Variants in COP1 observed in about 807,000 individuals in gnomAD.
COP1 encodes the protein E3 ubiquitin-protein ligase COP1.
COP1 carries 24 observed loss-of-function variants against 101.3 expected under a neutral mutation model. The ratio of observed to expected loss-of-function variants is 0.24; its 90% CI spans 0.17 to 0.33. The LOEUF (loss-of-function observed/expected upper bound fraction) is 0.33. Ranked by LOEUF, COP1 falls within the 10% of genes least tolerant of loss-of-function variation. The pLI is 1.00. For synonymous variants in COP1, 347 were observed against 341.9 expected (o/e 1.01, Z -0.17); for missense variants, 663 against 906.2 (o/e 0.73, Z 3.45).
At position 176,207,119 on chromosome 1, in the gene COP1, G is replaced by A; in HGVS notation, c.-141C>T. ...GGTGGGGCTGAGGAACAATAAAGTTGCGTTTTTTTTTAAGGCAGCCACACA... is the reference window on the plus strand; with the variant it reads ...GGTGGGGCTGAGGAACAATAAAGTTACGTTTTTTTTTAAGGCAGCCACACA... On this transcript the variant is annotated 5_prime_UTR_variant, in exon 1 of 20. Transcript: ENST00000367669. 2 of 633,314 alleles carry A rather than the reference G, an allele frequency of 3.2e-6. No individual in the cohort carries two copies. Among genetic ancestry groups the A allele is most frequent in the Non-Finnish European group, 4.7e-6 (2 of 423,144 alleles). 39.2% of individuals were successfully genotyped at this position (633,314 alleles called of 1,614,324 possible). A position where few individuals can be genotyped will look rare whatever the true frequency, so the allele number is the denominator to read the frequency against.
chr1:176,024,255 G>C (rs1294793136), intron 15 of COP1, among the ~76,000 whole-genome samples: 1 of 152,122 alleles, frequency 6.6e-6, no homozygotes, highest in Non-Finnish European at 1.5e-5. Context: ...GAGTGAGACT[G>C]TCTCTAAATA....
chr1:176,193,145 AAATG>A (rs1376215655), intron 1 of COP1, among the ~76,000 whole-genome samples: 1 of 152,182 alleles, frequency 6.6e-6, no homozygotes, highest in African/African-American at 2.4e-5. Flanking sequence ...AAAGAGTAAT[AAATG>A]AATGGCCAAC....
rs768019225 is a variant in COP1 at position 176,059,655 on chromosome 1, G to T, written c.1278-13331C>A. ...ACACCACCACACCTGGCTTATTTTT[G>T]TATTTTTAGTAGAGACGGGGTTTCA... On this transcript the variant is annotated intron_variant, in intron 11 of 19. Transcript: ENST00000367669. Among the ~76,000 whole-genome samples the T allele has an allele frequency of 3.3e-5, 5 of 151,908 alleles. No individual in the cohort carries two copies. The East Asian group carries it at 7.7e-4, about 23-fold the overall frequency.
chr1:176,144,767 G>T lies in COP1; in HGVS notation c.831+4239C>A, dbSNP rs371893811. Among the ~76,000 whole-genome samples, 85 of 152,228 alleles carry T rather than the reference G, an allele frequency of 5.6e-4. No individual in the cohort carries two copies. In the South Asian group the frequency reaches 0.017, roughly 31 times the overall value. Reference sequence around the variant, plus strand: ...TATATGACAAAGGTGAAACTTCAGAGTGATGAAGAAAGAATGGACTTTTTA... The same window carrying T: ...TATATGACAAAGGTGAAACTTCAGATTGATGAAGAAAGAATGGACTTTTTA... On this transcript the variant is annotated intron_variant, in intron 6 of 19. Coordinates refer to ENST00000367669, the MANE Select transcript of COP1 (RefSeq NM_022457.7).
intron 6 of COP1, among the ~76,000 whole-genome samples, chr1:176,144,479 T>G (rs1005791310): frequency 6.6e-6 from 1 of 152,148 alleles, no homozygotes; most frequent in African/African-American, 2.4e-5. Context: ...ATTAGAAGAC[T>G]GAATACTGTA....
Position 176,163,881 on chromosome 1 carries a change from G to T in COP1, c.576C>A (p.Leu192=). The T allele has an allele frequency of 6.2e-7, 1 of 1,602,980 alleles. No individual in the cohort carries two copies. Among genetic ancestry groups the T allele is most frequent in the South Asian group, 1.1e-5 (1 of 89,698 alleles). The change falls in exon 4 of 20, where the codon CTC becomes CTA. Residue 192 remains leucine (L), a synonymous_variant. Transcript: ENST00000367669. The part of the protein sequence containing the change: ...HLYPNFLVNE[L]ILKQKQRFEE... ...CAAATCTTTGCTTCTGTTTAAGAAT[G>T]AGTTCATTCACTGAAAACAGAAACA...
At chr1:175,991,431 T>C (rs911159772) in intron 15 of COP1, among the ~76,000 whole-genome samples, 2 of 152,140 alleles carry the variant, frequency 1.3e-5, no homozygotes, top group African/African-American at 4.8e-5. Flanking sequence ...TGAATGGAGT[T>C]TGCAGGACTG....
intron 2 of COP1, among the ~76,000 whole-genome samples, chr1:176,182,822 G>A (rs958580457): frequency 6.6e-6 from 1 of 152,122 alleles, no homozygotes. Context: ...AAAGTGATTC[G>A]TGAATCATAA....
chr1:176,012,057 T>C (rs61822766), intron 15 of COP1, among the ~76,000 whole-genome samples: 10,033 of 152,088 alleles, frequency 0.066, 410 homozygotes, highest in Middle Eastern at 0.12. Flanking sequence ...CAGTGGTGTG[T>C]GCTTGTATCC....
chr1:176,066,336 T>C (rs1675959969), intron 11 of COP1, among the ~76,000 whole-genome samples: 1 of 152,196 alleles, frequency 6.6e-6, no homozygotes, highest in Non-Finnish European at 1.5e-5. Flanking sequence ...CCTTTTCTCC[T>C]GTCAATTTGT....
Position 175,980,765 on chromosome 1 carries a change from T to C in COP1, c.2133+6178A>G, listed in dbSNP as rs561591535. ...AGGAGTAATAAGTGTCCTTTACAAG[T>C]ACTGCCTTTTACTATTAGCTATCCA... is the stretch of plus-strand genomic sequence containing the variant. On this transcript the variant is annotated intron_variant, in intron 18 of 19. Coordinates refer to ENST00000367669, the MANE Select transcript of COP1 (RefSeq NM_022457.7). Among the ~76,000 whole-genome samples, 366 of 152,198 alleles carry C rather than the reference T, an allele frequency of 2.4e-3. 2 individuals are homozygous for C. Among genetic ancestry groups the C allele is most frequent in the African/African-American group, 8.3e-3 (345 of 41,556 alleles).
At chr1:176,058,117 G>A (rs1481977401) in intron 11 of COP1, among the ~76,000 whole-genome samples, 4 of 122,190 alleles carry the variant, frequency 3.3e-5, no homozygotes, top group East Asian at 2.9e-4. Flanking sequence ...CAGCCACCCC[G>A]TCGGGAGGGA....
chr1:176,193,929 C>T (rs945181327), intron 1 of COP1, among the ~76,000 whole-genome samples: 3 of 152,166 alleles, frequency 2.0e-5, no homozygotes, highest in African/African-American at 7.2e-5. Flanking sequence ...CGGCGTATTT[C>T]AGGGTTGTGA....
chr1:176,200,679 A>G (rs942198001), intron 1 of COP1, among the ~76,000 whole-genome samples: 6 of 152,228 alleles, frequency 3.9e-5, no homozygotes, highest in African/African-American at 1.4e-4. Context: ...AAGGACAACT[A>G]ACATATTTTA....
chr1:175,951,052 C>A (rs991505780), intron 18 of COP1, among the ~76,000 whole-genome samples: 8 of 152,112 alleles, frequency 5.3e-5, no homozygotes, highest in Admixed American at 5.2e-4. Context: ...TTGAGACCAG[C>A]CTGACCAACA....
At position 176,063,585 on chromosome 1, in the gene COP1, T is replaced by C. The variant is rs190192990; in HGVS notation, c.1278-17261A>G. 6.6e-3 allele frequency among the ~76,000 whole-genome samples: 1,006 copies of C among 152,294 alleles called. 9 individuals carry two copies. Among genetic ancestry groups the C allele is most frequent in the African/African-American group, 0.023 (954 of 41,542 alleles). ...CACAAGTTATCCACAAAATCACCTA[T>C]TGATGTGGATGGGGAGAAGAGAAGA... On this transcript the variant is annotated intron_variant, in intron 11 of 19. Coordinates refer to ENST00000367669, the MANE Select transcript of COP1 (RefSeq NM_022457.7).
chr1:176,045,573 T>A (rs1671365141), intron 12 of COP1, among the ~76,000 whole-genome samples: 1 of 146,250 alleles, frequency 6.8e-6, no homozygotes, highest in South Asian at 2.2e-4. Context: ...GGGAAGCTTG[T>A]TTAGAAGGAA....
chr1:176,061,830 A>G (rs549999272), intron 11 of COP1, among the ~76,000 whole-genome samples: 3 of 152,212 alleles, frequency 2.0e-5, no homozygotes, highest in Non-Finnish European at 4.4e-5. Context: ...ATGAACTGGA[A>G]TTCATCAAAA....
chr1:175,997,684 C>A (rs561259500), intron 15 of COP1, among the ~76,000 whole-genome samples: 3 of 152,144 alleles, frequency 2.0e-5, no homozygotes, highest in African/African-American at 7.2e-5. Context: ...AAATGTAAAT[C>A]AAAACCACAA....
Sources: gnomAD v4.1 joint callset for allele counts (sites outside exome capture counted in the v4.1 genomes callset) on GRCh38, gnomAD v4.1.1 for gene constraint, MANE v1.5 for transcripts, NCBI Gene and HGNC (gene_info 2026-07-23, HGNC 2026-07-21) for gene names.